The following FOXP2 variants were observed in gnomAD, a reference collection of about 807,000 sequenced individuals.
The protein encoded by FOXP2 is forkhead box protein P2.
Under a neutral mutation model 115.8 loss-of-function variants are expected in FOXP2, and 12 were observed. The observed-to-expected ratio is 0.10, with a 90% CI of 0.07 to 0.17. The LOEUF (loss-of-function observed/expected upper bound fraction) is 0.17. Among genes scored for constraint, FOXP2 ranks in the 10% least tolerant of loss-of-function variants. The probability of loss-of-function intolerance (pLI) is 1.00; values close to 1 mark genes in which losing one functional copy is unlikely to be tolerated. For synonymous variants in FOXP2, 328 were observed against 297.7 expected (o/e 1.10, Z -1.05); for missense variants, 629 against 843.5 (o/e 0.75, Z 3.15).
intron 1 of FOXP2, among the ~76,000 whole-genome samples, chr7:114,135,002 A>C (rs1447314057): frequency 2.0e-5 from 3 of 152,224 alleles, no homozygotes; most frequent in Non-Finnish European, 4.4e-5. Context: ...TTATAAATAA[A>C]GCTATTATTA....
intron 2 of FOXP2, among the ~76,000 whole-genome samples, chr7:114,312,561 G>A (rs1003353931): frequency 6.6e-6 from 1 of 152,172 alleles, no homozygotes; most frequent in Non-Finnish European, 1.5e-5. Flanking sequence ...TAGGGTATGA[G>A]TTTACCTAAT....
intron 2 of FOXP2, among the ~76,000 whole-genome samples, chr7:114,393,024 C>G (rs551563081): frequency 6.6e-6 from 1 of 152,190 alleles, no homozygotes; most frequent in Non-Finnish European, 1.5e-5. Context: ...AATCCAGATT[C>G]TGGTGAGGAA....
At chr7:114,537,128 C>T (rs1385210281) in intron 3 of FOXP2, among the ~76,000 whole-genome samples, 2 of 151,438 alleles carry the variant, frequency 1.3e-5, no homozygotes, top group Non-Finnish European at 3.0e-5. Flanking sequence ...TTAAAATTTT[C>T]AATAATTTGA....
intron 1 of FOXP2, among the ~76,000 whole-genome samples, chr7:114,146,740 C>T (rs1176523353): frequency 1.3e-5 from 2 of 152,224 alleles, no homozygotes; most frequent in African/African-American, 4.8e-5. Context: ...TTGTTGTTGC[C>T]ATTGCTGTGT....
At chr7:114,662,271 C>G in intron 14 of FOXP2, 85 bp downstream of exon 14, 1 of 1,569,288 alleles carries the variant, frequency 6.4e-7, no homozygotes, top group South Asian at 1.1e-5. Flanking sequence ...GGTGGGGAGA[C>G]AGTTAGCTTA....
At chr7:114,664,118 A>G (rs1177511674) in intron 15 of FOXP2, among the ~76,000 whole-genome samples, 155 bp from the exon 16 acceptor site, 5 of 152,212 alleles carry the variant, frequency 3.3e-5, no homozygotes, top group Admixed American at 2.6e-4. Flanking sequence ...CTCTGCCACA[A>G]GTAGCCAGTT....
chr7:114,486,023 C>G (rs1016601244), intron 2 of FOXP2, among the ~76,000 whole-genome samples: 1 of 152,164 alleles, frequency 6.6e-6, no homozygotes, highest in African/African-American at 2.4e-5. Flanking sequence ...CCTGCTACTA[C>G]TTTTCATGAG....
At chr7:114,681,651 G>A (rs920731797) in intron 16 of FOXP2, among the ~76,000 whole-genome samples, 1 of 152,176 alleles carries the variant, frequency 6.6e-6, no homozygotes, top group Non-Finnish European at 1.5e-5. Flanking sequence ...AGTGATCTGA[G>A]ACATAACCTG....
intron 2 of FOXP2, chr7:114,297,346 G>A: frequency 4.5e-6 from 3 of 669,832 alleles, no homozygotes; most frequent in Non-Finnish European, 7.8e-6. Flanking sequence ...CCGTGGTGGC[G>A]GCTGTGCCTG....
chr7:114,508,553 C>CT (rs1797930337), intron 2 of FOXP2, among the ~76,000 whole-genome samples: 1 of 151,922 alleles, frequency 6.6e-6, no homozygotes, highest in Admixed American at 6.6e-5. Flanking sequence ...AAGAAATCTC[C>CT]TTAGGGATAC....
intron 3 of FOXP2, among the ~76,000 whole-genome samples, chr7:114,610,625 C>T (rs1394969935): frequency 6.6e-6 from 1 of 151,792 alleles, no homozygotes; most frequent in Non-Finnish European, 1.5e-5. Flanking sequence ...ACACCAGGTT[C>T]ATTGAAGATG....
intron 2 of FOXP2, among the ~76,000 whole-genome samples, chr7:114,336,896 C>A (rs1185719777): frequency 6.6e-6 from 1 of 151,402 alleles, no homozygotes; most frequent in Admixed American, 6.6e-5. Flanking sequence ...CTTTTCAGGA[C>A]AAATTTCACA....
chr7:114,141,980 A>G (rs986062672), intron 1 of FOXP2, among the ~76,000 whole-genome samples: 8 of 152,166 alleles, frequency 5.3e-5, no homozygotes, highest in South Asian at 4.1e-4. Context: ...GCTCACTGCT[A>G]TGCCTCAGTA....
At chr7:114,306,136 T>G (rs1584623475) in intron 2 of FOXP2, among the ~76,000 whole-genome samples, 1 of 152,210 alleles carries the variant, frequency 6.6e-6, no homozygotes, top group African/African-American at 2.4e-5. Flanking sequence ...GTTATTAGAT[T>G]AGCCAGAGAG....
intron 16 of FOXP2, among the ~76,000 whole-genome samples, chr7:114,687,588 G>C (rs1287042372): frequency 6.6e-6 from 1 of 152,204 alleles, no homozygotes; most frequent in African/African-American, 2.4e-5. Flanking sequence ...TGTAAGCTAT[G>C]TTTTTCACAT....
intron 2 of FOXP2, among the ~76,000 whole-genome samples, chr7:114,489,608 A>C (rs1326379551): frequency 6.6e-6 from 1 of 151,880 alleles, no homozygotes; most frequent in South Asian, 2.1e-4. Context: ...GAGTGAGAGT[A>C]GCAGAAACCA....
rs980148881 is a variant in FOXP2, at chr7:114,678,030, T to C, written c.2004-11752T>C. Among the ~76,000 whole-genome samples the C allele has an allele frequency of 4.6e-5, 7 of 152,158 alleles. No individual in the cohort carries two copies. In the South Asian group the frequency reaches 6.2e-4, roughly 13 times the overall value. On this transcript the variant is annotated intron_variant, in intron 16 of 16. Transcript: ENST00000350908. Reference sequence around the variant, plus strand: ...AGGAATGAAGAGAGTTGCAAACAAATTGTGAAGTTAACGACTGAAGCATGC... The same window carrying C: ...AGGAATGAAGAGAGTTGCAAACAAACTGTGAAGTTAACGACTGAAGCATGC...
chr7:114,339,890 C>G (rs1005167297), intron 2 of FOXP2, among the ~76,000 whole-genome samples: 36 of 151,102 alleles, frequency 2.4e-4, no homozygotes, highest in African/African-American at 8.2e-4. Flanking sequence ...GATTCTTATA[C>G]TTTTTAATAT....
intron 2 of FOXP2, among the ~76,000 whole-genome samples, chr7:114,509,755 G>A (rs2092972855): frequency 6.6e-6 from 1 of 151,810 alleles, no homozygotes; most frequent in African/African-American, 2.4e-5. Context: ...GCATGATCAA[G>A]GCAAATGGAC....
Sources: allele counts gnomAD v4.1 joint callset (sites outside exome capture counted in the v4.1 genomes callset), GRCh38; gene constraint gnomAD v4.1.1; transcripts MANE v1.5; gene names NCBI Gene and HGNC (gene_info 2026-07-23, HGNC 2026-07-21).